Variants in LRP8 observed in about 807,000 individuals in gnomAD.
LRP8 encodes the protein low-density lipoprotein receptor-related protein 8.
Under a neutral mutation model 111.6 loss-of-function variants are expected in LRP8, and 46 were observed. That is an observed-to-expected ratio of 0.41 (90% CI 0.33 to 0.53). The LOEUF (loss-of-function observed/expected upper bound fraction) is 0.53, where lower values mean the gene tolerates loss of function less well. Among genes scored for constraint, LRP8 ranks in the 20% least tolerant of loss-of-function variants. The pLI is 0.20. For synonymous variants in LRP8, 464 were observed against 511.2 expected, an observed-to-expected ratio of 0.91 and a Z score of 1.24; for missense variants, 959 against 1,297.4, an observed-to-expected ratio of 0.74 and a Z score of 4.01.
chr1:53,260,395 G>T, intron 13 of LRP8, 69 bp downstream of exon 13: 2 of 1,494,088 alleles, frequency 1.3e-6, no homozygotes, highest in Non-Finnish European at 9.2e-7. Flanking sequence ...AACACAGCCT[G>T]CCTGGTGAAA....
chr1:53,302,683 G>T, intron 2 of LRP8, among the ~76,000 whole-genome samples: 1 of 149,558 alleles, frequency 6.7e-6, no homozygotes, highest in East Asian at 2.0e-4. Flanking sequence ...ATATGACCTT[G>T]GGCCAATCAA....
chr1:53,307,263 G>C (rs1652151931), intron 2 of LRP8: 2 of 152,294 alleles, frequency 1.3e-5, no homozygotes, highest in African/African-American at 4.8e-5. Flanking sequence ...TCAAATGAGG[G>C]CAAGGATGCC....
chr1:53,302,510 C>T (rs1021739426), intron 2 of LRP8, among the ~76,000 whole-genome samples: 1 of 152,132 alleles, frequency 6.6e-6, no homozygotes, highest in Non-Finnish European at 1.5e-5. Context: ...CGGAGTCTAA[C>T]CAAGACCCAT....
chr1:53,283,376 G>A (rs915645229), intron 3 of LRP8, among the ~76,000 whole-genome samples: 6 of 151,940 alleles, frequency 3.9e-5, no homozygotes, highest in Non-Finnish European at 7.4e-5. Flanking sequence ...TGCAAATTCC[G>A]GGGGTGCCAT....
Position 53,257,462 on chromosome 1 carries a change from G to A in LRP8, c.2212C>T (p.Pro738Ser), listed in dbSNP as rs772376307. The A allele has an allele frequency of 2.4e-5, 38 of 1,613,426 alleles. 1 individual carries two copies. Among genetic ancestry groups the A allele is most frequent in the African/African-American group, 1.3e-5 (1 of 74,910 alleles). The change falls in exon 15 of 19, where the codon CCT (proline) becomes TCT (serine). Residue 738 changes from proline (P) to serine (S), a missense_variant and splice_region_variant. Physicochemically the swap from Pro to Ser is moderately conservative, Grantham distance 74 (BLOSUM62 -1). Around this residue, in one of 3 missense-constraint regions of LRP8, gnomAD observed 819 missense variants for 1,097.6 expected, o/e 0.75. Coordinates refer to ENST00000306052, the MANE Select transcript of LRP8 (RefSeq NM_004631.5). ...AACGTCGTAGTTGAGGTAGATTGAG[G>A]TGCTGGAGGGGAAATACCATGGAGG... ...GPDMKRCYRA[P>S]QSTSTTTLAS...
At position 53,276,722 on chromosome 1, in the gene LRP8, AGTCGCG is replaced by A; in HGVS notation, c.847_852del (p.Arg283_Asp284del). On this transcript the variant is annotated inframe_deletion, in exon 5 of 19. Coordinates refer to ENST00000306052, the MANE Select transcript of LRP8 (RefSeq NM_004631.5). Reference sequence around the variant, plus strand: ...TCGGCCTCGTCCGATTTGTCTTTGCAGTCGCGGTCGCCGTCGCAGCGCCAGCCCAGG... The same window carrying A: ...TCGGCCTCGTCCGATTTGTCTTTGCAGTCGCCGTCGCAGCGCCAGCCCAGG... The A allele has an allele frequency of 6.5e-7, 1 of 1,531,292 alleles. No individual in the cohort carries two copies. Among genetic ancestry groups the A allele is most frequent in the Non-Finnish European group, 8.8e-7 (1 of 1,142,308 alleles). 94.9% of individuals were successfully genotyped at this position (1,531,292 alleles called of 1,614,324 possible). A position where few individuals can be genotyped will look rare whatever the true frequency, so the allele number is the denominator to read the frequency against.
Position 53,274,428 on chromosome 1 carries a change from G to A in LRP8, c.1006+1203C>T, listed in dbSNP as rs77095385. Among the ~76,000 whole-genome samples, 163 of 152,378 alleles carry A rather than the reference G, an allele frequency of 1.1e-3. 4 individuals are homozygous for A. In the East Asian group the frequency reaches 0.024, roughly 23 times the overall value. On this transcript the variant is annotated intron_variant, in intron 6 of 18. Coordinates refer to ENST00000306052, the MANE Select transcript of LRP8 (RefSeq NM_004631.5). Reference sequence around the variant, plus strand: ...TCCAGAAGGTCTCAGAGGTCTGAACGGGGAAGGAATGAGGAAAGGCCAAGT... The same window carrying A: ...TCCAGAAGGTCTCAGAGGTCTGAACAGGGAAGGAATGAGGAAAGGCCAAGT...
At chr1:53,276,663 C>T in intron 5 of LRP8, 29 bp downstream of exon 5, 1 of 1,487,112 alleles carries the variant, frequency 6.7e-7, no homozygotes, top group Non-Finnish European at 8.9e-7. Context: ...AATCCCTGGG[C>T]GGGGCTGGGC....
chr1:53,319,153 C>T (rs1045435160), intron 2 of LRP8, among the ~76,000 whole-genome samples: 2 of 152,126 alleles, frequency 1.3e-5, no homozygotes, highest in Admixed American at 6.5e-5. Flanking sequence ...ACTCCTGCAC[C>T]GCCTGCCTCC....
Position 53,276,842 on chromosome 1 carries a change from A to T in LRP8, c.733T>A (p.Cys245Ser). 3 of 1,291,740 alleles carry T rather than the reference A, an allele frequency of 2.3e-6. No homozygotes were observed. Among genetic ancestry groups the T allele is most frequent in the Non-Finnish European group, 2.9e-6 (3 of 1,017,820 alleles). 80.0% of individuals were successfully genotyped at this position (1,291,740 alleles called of 1,614,324 possible). A position where few individuals can be genotyped will look rare whatever the true frequency, so the allele number is the denominator to read the frequency against. ...EDRSDEAAELCGRPGPGATSA... is the reference protein window; with the variant it reads ...EDRSDEAAELSGRPGPGATSA... ...GTGGCCCCGGGGCCCGGACGGCCGC[A>T]GAGCTCGGCTGCCTCGTCCGAGCGG... Residue 245 changes from cysteine (C) to serine (S), a missense_variant, in exon 5 of 19, where the codon TGC (cysteine) becomes AGC (serine). By Grantham distance (112) the Cys-to-Ser change is moderately radical. Coordinates refer to ENST00000306052, the MANE Select transcript of LRP8 (RefSeq NM_004631.5).
chr1:53,276,512 C>G (rs1272859683), intron 5 of LRP8, among the ~76,000 whole-genome samples, 180 bp downstream of exon 5: 1 of 152,090 alleles, frequency 6.6e-6, no homozygotes, highest in East Asian at 1.9e-4. Flanking sequence ...GCTCCGCAGC[C>G]CGGCAGCTGC....
intron 3 of LRP8, among the ~76,000 whole-genome samples, chr1:53,284,589 C>T (rs189726762): frequency 2.9e-3 from 446 of 152,316 alleles, no homozygotes; most frequent in African/African-American, 0.01. Context: ...GTTCTACAGA[C>T]CCCAGTGCAG....
At chr1:53,280,800 A>G in intron 3 of LRP8, 85 bp from the exon 4 acceptor site, 2 of 1,553,782 alleles carry the variant, frequency 1.3e-6, no homozygotes, top group Non-Finnish European at 1.7e-6. Flanking sequence ...TGTTCCAGCC[A>G]TCTGGTCCAA....
chr1:53,299,119 G>C (rs543922544), intron 2 of LRP8, among the ~76,000 whole-genome samples: 9 of 151,842 alleles, frequency 5.9e-5, no homozygotes, highest in Non-Finnish European at 1.2e-4. Context: ...ATGATTGAGT[G>C]ATGACCCCTG....
chr1:53,307,777 T>G (rs1285359511), intron 2 of LRP8, among the ~76,000 whole-genome samples: 1 of 152,250 alleles, frequency 6.6e-6, no homozygotes, highest in Non-Finnish European at 1.5e-5. Context: ...TCTAATTAAT[T>G]TTTTAAAATT....
rs1647035096 is a variant in LRP8, at chr1:53,279,406, A to T, written c.496+1181T>A. Among the ~76,000 whole-genome samples, 1 of 152,182 alleles carries T rather than the reference A, an allele frequency of 6.6e-6. No individual in the cohort carries two copies. Among genetic ancestry groups the T allele is most frequent in the African/African-American group, 2.4e-5 (1 of 41,448 alleles). ...TAGCGGCCTTCATATTGGAGGAATC[A>T]TCTGATTATGGGGCTTGGTAAAGAG... On this transcript the variant is annotated intron_variant, in intron 4 of 18. Coordinates refer to ENST00000306052, the MANE Select transcript of LRP8 (RefSeq NM_004631.5). The surrounding 1 kb of genome is among the most constrained non-coding windows in gnomAD (Gnocchi z 4.4).
chr1:53,281,283 C>T (rs766105347), intron 3 of LRP8, among the ~76,000 whole-genome samples: 1 of 152,330 alleles, frequency 6.6e-6, no homozygotes, highest in African/African-American at 2.4e-5. Flanking sequence ...CAGGGCCCAG[C>T]GGGACTGCAT....
rs575245482 is a variant in LRP8 at position 53,260,522 on chromosome 1, A to G, written c.1998T>C (p.Ala666=). The G allele has an allele frequency of 1.9e-6, 3 of 1,614,028 alleles. No homozygotes were observed. In the Admixed American group the frequency reaches 5.0e-5, roughly 27 times the overall value. Residue 666 remains alanine (A), a synonymous_variant, in exon 13 of 19, where the codon GCT becomes GCC. Coordinates refer to ENST00000306052, the MANE Select transcript of LRP8 (RefSeq NM_004631.5). ...RLNGLEISIL[A]ENLNNPHDIV... Reference sequence around the variant, plus strand: ...TGTCATGTGGGTTGTTGAGGTTCTCAGCCAGGATGGAGATTTCCAGGCCAT... The same window carrying G: ...TGTCATGTGGGTTGTTGAGGTTCTCGGCCAGGATGGAGATTTCCAGGCCAT...
chr1:53,277,172 C>T (rs762631632), intron 4 of LRP8, 94 bp from the exon 5 acceptor site: 4 of 1,341,040 alleles, frequency 3.0e-6, no homozygotes, highest in Non-Finnish European at 3.8e-6. Context: ...GACCCTCACC[C>T]GGGGGCCAGA....
Sources: allele counts gnomAD v4.1 joint callset (sites outside exome capture counted in the v4.1 genomes callset), GRCh38; gene constraint gnomAD v4.1.1; regional missense constraint gnomAD v4.1.1; non-coding constraint Gnocchi (gnomAD v3.1); transcripts MANE v1.5; gene names NCBI Gene and HGNC (gene_info 2026-07-23, HGNC 2026-07-21).